PLXNA4: variants seen among roughly 807,000 people sequenced by gnomAD.
PLXNA4 encodes the protein plexin A4, also known as plexin-A4.
PLXNA4 carries 44 observed loss-of-function variants against 191.8 expected under a neutral mutation model. That is an observed-to-expected ratio of 0.23 (90% confidence interval 0.18 to 0.29). PLXNA4 has a LOEUF of 0.29. PLXNA4 is among the 10% of genes least tolerant of loss of function. PLXNA4 has a pLI of 1.00. For missense variants in PLXNA4, 1,800 were observed against 2,488.8 expected (o/e 0.72, Z 5.89); for synonymous variants, 1,082 against 1,009.5 (o/e 1.07, Z -1.36).
chr7:132,376,733 G>A (rs190387880), intron 3 of PLXNA4, among the ~76,000 whole-genome samples: 27 of 152,256 alleles, frequency 1.8e-4, no homozygotes, highest in African/African-American at 4.8e-4. Context: ...AGGCCCTGAT[G>A]GTGGCTTTGG....
intron 3 of PLXNA4, among the ~76,000 whole-genome samples, chr7:132,474,641 C>T (rs1043650242): frequency 4.2e-5 from 6 of 143,436 alleles, no homozygotes; most frequent in Admixed American, 6.8e-5. Context: ...CACACACGCG[C>T]GCGCACGCAC....
At chr7:132,559,135 G>A (rs1275886523) in intron 1 of PLXNA4, among the ~76,000 whole-genome samples, 1 of 152,134 alleles carries the variant, frequency 6.6e-6, no homozygotes, top group Non-Finnish European at 1.5e-5. Context: ...AGATAAACTT[G>A]GAGAAACTGC....
intron 3 of PLXNA4, among the ~76,000 whole-genome samples, chr7:132,478,538 A>G (rs1259126544): frequency 6.6e-6 from 1 of 152,182 alleles, no homozygotes; most frequent in Non-Finnish European, 1.5e-5. Context: ...GACCAATGTA[A>G]AGAATGTATT....
intron 4 of PLXNA4, among the ~76,000 whole-genome samples, chr7:132,280,208 CCCT>C (rs1359503052): frequency 6.6e-6 from 1 of 152,120 alleles, no homozygotes; most frequent in Admixed American, 6.5e-5. Flanking sequence ...AGCTCCCCCT[CCCT>C]CCTCAGAGGC....
chr7:132,643,744 T>A (rs998124698), intron 2 of PLXNA4, among the ~76,000 whole-genome samples: 1 of 151,600 alleles, frequency 6.6e-6, no homozygotes, highest in Non-Finnish European at 1.5e-5. Flanking sequence ...AGGACAGGAG[T>A]TCAAGACCAG....
At chr7:132,572,833 GGGC>G (rs1802042535) in intron 1 of PLXNA4, among the ~76,000 whole-genome samples, 1 of 152,218 alleles carries the variant, frequency 6.6e-6, no homozygotes, top group Non-Finnish European at 1.5e-5. Context: ...CCTGTCCACA[GGGC>G]CCTGTGTGGA....
At chr7:132,309,547 C>A (rs78983709) in intron 3 of PLXNA4, among the ~76,000 whole-genome samples, 5,462 of 152,270 alleles carry the variant, frequency 0.036, 108 homozygotes, top group African/African-American at 0.047. Flanking sequence ...GCCCACACAA[C>A]TGTTGCAGTG....
At chr7:132,607,495 T>G (rs754453708) in intron 2 of PLXNA4, among the ~76,000 whole-genome samples, 2 of 152,224 alleles carry the variant, frequency 1.3e-5, no homozygotes, top group Non-Finnish European at 2.9e-5. Context: ...GATTGAGAGA[T>G]GGATAGTTCT....
At chr7:132,594,436 C>G (rs1802661193) in intron 2 of PLXNA4, among the ~76,000 whole-genome samples, 1 of 152,216 alleles carries the variant, frequency 6.6e-6, no homozygotes, top group Admixed American at 6.5e-5. Flanking sequence ...TAGATTTCTG[C>G]TAAGCCACTC....
chr7:132,226,466 T>C (rs559001130), intron 7 of PLXNA4, among the ~76,000 whole-genome samples: 7 of 152,314 alleles, frequency 4.6e-5, no homozygotes, highest in Admixed American at 1.3e-4. Flanking sequence ...GCCCACCGTA[T>C]CACTTCCACT....
intron 4 of PLXNA4, among the ~76,000 whole-genome samples, chr7:132,267,780 A>T (rs1232641514): frequency 6.6e-6 from 1 of 152,158 alleles, no homozygotes; most frequent in Non-Finnish European, 1.5e-5. Context: ...GGCTGTTGCG[A>T]GTCCTCACCA....
At chr7:132,287,850 T>A (rs530784931) in intron 4 of PLXNA4, among the ~76,000 whole-genome samples, 2 of 152,140 alleles carry the variant, frequency 1.3e-5, no homozygotes, top group African/African-American at 2.4e-5. Context: ...TGTGTCAGGC[T>A]ACAACAAAGG....
Position 132,182,163 on chromosome 7 carries a change from C to A in PLXNA4, c.3186G>T (p.Gly1062=). 1.2e-6 allele frequency: 2 copies of A among 1,614,076 alleles called. No homozygotes were observed. ...GGTTCTGTATGAGGTCCAGGTGGGT[C>A]CCCCATACGGCGATGGGTGTGTTTC... ...VSGNTPIAVW[G]THLDLIQNPQ... is the part of the protein sequence containing the mutation. The change falls in exon 17 of 32, where the codon GGG becomes GGT. Residue 1062 remains glycine (G), a synonymous_variant. Coordinates refer to ENST00000321063, the MANE Select transcript of PLXNA4 (RefSeq NM_020911.2).
At chr7:132,468,020 G>A (rs1023829438) in intron 3 of PLXNA4, among the ~76,000 whole-genome samples, 7 of 152,146 alleles carry the variant, frequency 4.6e-5, no homozygotes, top group African/African-American at 1.4e-4. Flanking sequence ...CTCACTGGGT[G>A]GTTCCTTGGG....
intron 29 of PLXNA4, 43 bp downstream of exon 29, chr7:132,145,076 G>C: frequency 6.2e-7 from 1 of 1,612,678 alleles, no homozygotes; most frequent in Non-Finnish European, 8.5e-7. Context: ...AGGCTGGGTG[G>C]GCTCAGGGCT....
rs779588529 is a variant in PLXNA4, at chr7:132,181,602, C to T, written c.3271G>A (p.Ala1091Thr). Residue 1091 changes from alanine to threonine, a missense_variant, in exon 18 of 32, where the codon GCT becomes ACT. Transcript: ENST00000321063. ...EHINICEVLN[A>T]TEMTCQAPAL... is the part of the protein sequence containing the mutation. ...GGCGCCTGACAGGTCATCTCAGTAG[C>T]GTTCAGAACCTCACAGATCTGTGGG... 1.2e-5 allele frequency: 20 copies of T among 1,614,128 alleles called. No individual in the cohort carries two copies. Among genetic ancestry groups the T allele is most frequent in the South Asian group, 2.2e-5 (2 of 91,078 alleles).
intron 25 of PLXNA4, among the ~76,000 whole-genome samples, chr7:132,156,240 G>A (rs1429617105): frequency 1.3e-5 from 2 of 151,210 alleles, no homozygotes; most frequent in Non-Finnish European, 2.9e-5. Context: ...TTACTAACGC[G>A]GTTTCCCATC....
At chr7:132,285,983 C>A (rs1800669664) in intron 4 of PLXNA4, among the ~76,000 whole-genome samples, 1 of 149,536 alleles carries the variant, frequency 6.7e-6, no homozygotes, top group Non-Finnish European at 1.5e-5. Context: ...CCCAAAGACT[C>A]CAGCCTCCAG....
intron 3 of PLXNA4, among the ~76,000 whole-genome samples, chr7:132,325,148 C>G (rs542423086): frequency 2.6e-5 from 4 of 152,278 alleles, no homozygotes; most frequent in African/African-American, 7.2e-5. Context: ...GAAAGAAACC[C>G]TCATTCTGTG....
Sources: gnomAD v4.1 joint callset for allele counts (sites outside exome capture counted in the v4.1 genomes callset) on GRCh38, gnomAD v4.1.1 for gene constraint, MANE v1.5 for transcripts, NCBI Gene and HGNC (gene_info 2026-07-23, HGNC 2026-07-21) for gene names.